CALD1: variants seen among roughly 807,000 people sequenced by gnomAD.
CALD1 encodes the protein caldesmon 1.
CALD1 carries 33 observed loss-of-function variants against 99.9 expected under a neutral mutation model. The observed-to-expected ratio is 0.33, with a 90% confidence interval of 0.25 to 0.44. CALD1 has a LOEUF of 0.44. Among genes scored for constraint, CALD1 ranks in the 20% least tolerant of loss-of-function variants. CALD1 has a pLI of 1.00. For synonymous variants in CALD1, 310 were observed against 325.0 expected (o/e 0.95, Z 0.50); for missense variants, 861 against 962.1 (o/e 0.89, Z 1.39).
At chr7:134,873,549 G>A (rs570270646) in intron 3 of CALD1, among the ~76,000 whole-genome samples, 6 of 152,282 alleles carry the variant, frequency 3.9e-5, no homozygotes, top group Middle Eastern at 3.4e-3. Context: ...TAGTAAAGAC[G>A]GACCGCCGCC....
At chr7:134,742,535 G>A (rs1796600810), upstream of CALD1, among the ~76,000 whole-genome samples, 1 of 152,150 alleles carries the variant, frequency 6.6e-6, no homozygotes, top group Non-Finnish European at 1.5e-5. Flanking sequence ...CTGCTGGCAG[G>A]GGCTGGTTGG....
chr7:134,849,480 T>C (rs1156847006), intron 2 of CALD1, among the ~76,000 whole-genome samples: 1 of 152,200 alleles, frequency 6.6e-6, no homozygotes, highest in Non-Finnish European at 1.5e-5. Context: ...TCTATGCATA[T>C]CCTATCGTAT....
At chr7:134,859,543 A>G (rs1365752209) in intron 2 of CALD1, among the ~76,000 whole-genome samples, 1 of 152,200 alleles carries the variant, frequency 6.6e-6, no homozygotes, top group Admixed American at 6.5e-5. Flanking sequence ...ACTTCTCTTC[A>G]TTCTTCTAAG....
At chr7:134,795,309 G>C (rs1467029362) in intron 1 of CALD1, among the ~76,000 whole-genome samples, 1 of 152,112 alleles carries the variant, frequency 6.6e-6, no homozygotes, top group Non-Finnish European at 1.5e-5. Context: ...CCTCATGGTA[G>C]TGAATAACTC....
chr7:134,949,318 C>T (rs1275627909), intron 8 of CALD1, among the ~76,000 whole-genome samples: 1 of 152,082 alleles, frequency 6.6e-6, no homozygotes. Context: ...CTAGTCTCTG[C>T]TTGAGAACAT....
At chr7:134,781,156 T>G (rs1797089406) in intron 1 of CALD1, among the ~76,000 whole-genome samples, 1 of 152,210 alleles carries the variant, frequency 6.6e-6, no homozygotes, top group Non-Finnish European at 1.5e-5. Context: ...AAGCTATAGT[T>G]TAATTACTGT....
chr7:134,747,921 T>C (rs979543244), intron 1 of CALD1, among the ~76,000 whole-genome samples: 3 of 152,044 alleles, frequency 2.0e-5, no homozygotes, highest in Non-Finnish European at 4.4e-5. Context: ...GTGATTCCCA[T>C]CTGGGAGAAC....
intron 2 of CALD1, among the ~76,000 whole-genome samples, chr7:134,863,317 T>C (rs182160539): frequency 4.3e-4 from 65 of 152,370 alleles, no homozygotes; most frequent in Admixed American, 3.7e-3. Context: ...CAATAAATGT[T>C]AGTTCCTTTT....
At chr7:134,942,883 C>T (rs1444471100) in intron 7 of CALD1, among the ~76,000 whole-genome samples, 2 of 152,140 alleles carry the variant, frequency 1.3e-5, no homozygotes, top group East Asian at 3.9e-4. Flanking sequence ...AATTAACATG[C>T]CTATTGTGTA....
At chr7:134,860,500 T>C (rs961881325) in intron 2 of CALD1, among the ~76,000 whole-genome samples, 3 of 152,210 alleles carry the variant, frequency 2.0e-5, no homozygotes, top group Non-Finnish European at 4.4e-5. Flanking sequence ...GTCAATAAAG[T>C]ACAGAGAGAT....
chr7:134,944,333 C>A (rs1269971598), intron 7 of CALD1: 1 of 151,262 alleles, frequency 6.6e-6, no homozygotes, highest in Non-Finnish European at 1.5e-5. Flanking sequence ...ATTTTTATAA[C>A]TGAAACAAGT....
At chr7:134,897,713 T>G (rs1322892267) in intron 3 of CALD1, among the ~76,000 whole-genome samples, 1 of 151,966 alleles carries the variant, frequency 6.6e-6, no homozygotes, top group Non-Finnish European at 1.5e-5. Context: ...TTAATCTAAC[T>G]AATTTTGTTT....
chr7:134,784,006 C>A (rs77814260), intron 1 of CALD1, among the ~76,000 whole-genome samples: 3,496 of 152,084 alleles, frequency 0.023, 143 homozygotes, highest in African/African-American at 0.08. Flanking sequence ...AAAGAACACC[C>A]AGAAGTTAAT....
At chr7:134,940,747 T>C (rs865919189) in intron 6 of CALD1, among the ~76,000 whole-genome samples, 2 of 152,208 alleles carry the variant, frequency 1.3e-5, no homozygotes, top group African/African-American at 2.4e-5. Context: ...ATCCTAATAA[T>C]TGCTCTTCCC....
chr7:134,793,461 T>C (rs967457982), intron 1 of CALD1, among the ~76,000 whole-genome samples: 1 of 152,204 alleles, frequency 6.6e-6, no homozygotes, highest in African/African-American at 2.4e-5. Flanking sequence ...CGCCCATACA[T>C]TGTGTCTTGT....
chr7:134,929,815 A>G (rs1805395172), intron 4 of CALD1, among the ~76,000 whole-genome samples: 1 of 150,474 alleles, frequency 6.6e-6, no homozygotes, highest in African/African-American at 2.4e-5. Flanking sequence ...GTAGATACCC[A>G]GTAGTGGGAC....
intron 13 of CALD1, 123 bp from the exon 14 acceptor site, chr7:134,965,178 ATCACT>A: frequency 1.5e-6 from 1 of 652,528 alleles, no homozygotes; most frequent in Non-Finnish European, 2.8e-6. Flanking sequence ...TCCATTTCAG[ATCACT>A]GGGGTAAAGT....
chr7:134,909,535 T>C (rs1803642046), intron 3 of CALD1, among the ~76,000 whole-genome samples: 1 of 152,066 alleles, frequency 6.6e-6, no homozygotes, highest in Admixed American at 6.6e-5. Context: ...ATACAAAAAT[T>C]AGCTGGGCAT....
At chr7:134,916,629 T>C (rs1287490575) in intron 3 of CALD1, among the ~76,000 whole-genome samples, 1 of 152,242 alleles carries the variant, frequency 6.6e-6, no homozygotes, top group Admixed American at 6.5e-5. Context: ...ACCGTTTCCA[T>C]TGGCATGTCT....
Sources: allele counts gnomAD v4.1 joint callset (sites outside exome capture counted in the v4.1 genomes callset), GRCh38; gene constraint gnomAD v4.1.1; transcripts MANE v1.5; gene names NCBI Gene and HGNC (gene_info 2026-07-23, HGNC 2026-07-21).